FLRT2: variants seen among roughly 807,000 people sequenced by gnomAD.
FLRT2 encodes leucine-rich repeat transmembrane protein FLRT2.
Under a neutral mutation model 40.0 loss-of-function variants are expected in FLRT2, and 15 were observed. The ratio of observed to expected loss-of-function variants is 0.38; its 90% CI spans 0.25 to 0.58. FLRT2 has a LOEUF of 0.58. FLRT2 is among the 20% of genes least tolerant of loss of function. The probability of loss-of-function intolerance (pLI) is 0.71; values close to 1 mark genes in which losing one functional copy is unlikely to be tolerated. For missense variants in FLRT2, 726 were observed against 840.0 expected (o/e 0.86, Z 1.68); for synonymous variants, 380 against 336.8 (o/e 1.13, Z -1.41).
rs1251468574 is a variant in FLRT2, at chr14:85,636,409, C to CAAAAAAAAAAAAAAAAAAAAAAAAAAA, written c.*12918_*12919insAAAAAAAAAAAAAAAAAAAAAAAAAAA. Reference sequence around the variant, plus strand: ...CCTGCAGAAAAAAAAAAAAAAAAAACAAAAAACATTCTTATTAATCTTAAC... The same window carrying CAAAAAAAAAAAAAAAAAAAAAAAAAAA: ...CCTGCAGAAAAAAAAAAAAAAAAAACAAAAAAAAAAAAAAAAAAAAAAAAAAAAAAAAACATTCTTATTAATCTTAAC... On this transcript the variant is annotated 3_prime_UTR_variant, in exon 2 of 2. Transcript: ENST00000330753. The CAAAAAAAAAAAAAAAAAAAAAAAAAAA allele has an allele frequency of 3.5e-5, 3 of 84,932 alleles. 1 individual carries two copies. The highest frequency in any genetic ancestry group is 5.0e-5 in the Non-Finnish European group (2 of 39,812). The allele number at this position is 84,932 out of a possible 1,614,324, so 5.3% of individuals were successfully genotyped here. A position where few individuals can be genotyped will look rare whatever the true frequency, so the allele number is the denominator to read the frequency against.
intron 1 of FLRT2, among the ~76,000 whole-genome samples, chr14:85,588,467 T>G (rs35659097): frequency 0.23 from 35,125 of 151,894 alleles, 4,239 homozygotes; most frequent in Non-Finnish European, 0.28. Flanking sequence ...GTTTTTTTTT[T>G]TTTTTAATTT....
chr14:85,542,852 G>C (rs989703262), intron 1 of FLRT2, among the ~76,000 whole-genome samples: 1 of 152,186 alleles, frequency 6.6e-6, no homozygotes, highest in Admixed American at 6.5e-5. Context: ...TCCTCACTGT[G>C]TGCCAGGCAC....
intron 1 of FLRT2, among the ~76,000 whole-genome samples, chr14:85,569,665 C>A (rs1417645582): frequency 6.6e-6 from 1 of 152,164 alleles, no homozygotes; most frequent in Non-Finnish European, 1.5e-5. Flanking sequence ...TGTCCCCTAG[C>A]CCTTTGGTTA....
Position 85,646,041 on chromosome 14 carries a change from C to G in FLRT2, c.*22544C>G, listed in dbSNP as rs1455627186. On this transcript the variant is annotated 3_prime_UTR_variant, in exon 2 of 2. Coordinates refer to ENST00000330753, the MANE Select transcript of FLRT2 (RefSeq NM_013231.6). ...CTGCCTTGTAACCATGCCTTTGCAT[C>G]TGTTTACTTACTTAATGGGACATTA... 1 of 150,692 alleles carries G rather than the reference C, an allele frequency of 6.6e-6. No individual in the cohort carries two copies. The highest frequency in any genetic ancestry group is 1.5e-5 in the Non-Finnish European group (1 of 67,892). 9.3% of individuals were successfully genotyped at this position (150,692 alleles called of 1,614,324 possible).
chr14:85,565,592 T>G (rs1289389846), intron 1 of FLRT2, among the ~76,000 whole-genome samples: 1 of 152,198 alleles, frequency 6.6e-6, no homozygotes, highest in Non-Finnish European at 1.5e-5. Flanking sequence ...TTAGAAACCA[T>G]ATGCATGGAG....
chr14:85,553,338 T>A (rs1889758316), intron 1 of FLRT2, among the ~76,000 whole-genome samples: 1 of 152,184 alleles, frequency 6.6e-6, no homozygotes, highest in Admixed American at 6.5e-5. Flanking sequence ...GTAATCCACG[T>A]GCTCTCTCAG....
At chr14:85,554,173 G>T (rs1298314102) in intron 1 of FLRT2, among the ~76,000 whole-genome samples, 1 of 152,118 alleles carries the variant, frequency 6.6e-6, no homozygotes, top group Non-Finnish European at 1.5e-5. Context: ...TAAAAAAAAG[G>T]ATTCATGAGT....
At chr14:85,556,111 T>C (rs1889944170) in intron 1 of FLRT2, among the ~76,000 whole-genome samples, 1 of 152,220 alleles carries the variant, frequency 6.6e-6, no homozygotes, top group Admixed American at 6.5e-5. Context: ...CTACATGGAA[T>C]ATCTTCAATG....
chr14:85,591,113 C>G (rs1322682204), intron 1 of FLRT2, among the ~76,000 whole-genome samples: 1 of 152,146 alleles, frequency 6.6e-6, no homozygotes, highest in South Asian at 2.1e-4. Flanking sequence ...AACTGCAAAA[C>G]TCTTTGAAAG....
chr14:85,557,653 C>T (rs1890051924), intron 1 of FLRT2, among the ~76,000 whole-genome samples: 1 of 152,002 alleles, frequency 6.6e-6, no homozygotes. Flanking sequence ...TTAGTCTCTA[C>T]TGAAAATACA....
chr14:85,593,221 AT>A (rs1167069304), intron 1 of FLRT2, among the ~76,000 whole-genome samples: 1 of 151,934 alleles, frequency 6.6e-6, no homozygotes. Context: ...TTAACTTTTA[AT>A]TTTTTTTGAA....
Position 85,653,118 on chromosome 14 carries a change from C to T in FLRT2, c.*29621C>T, listed in dbSNP as rs1894473887. On this transcript the variant is annotated 3_prime_UTR_variant, in exon 2 of 2. Coordinates refer to ENST00000330753, the MANE Select transcript of FLRT2 (RefSeq NM_013231.6). ...GTTCCAGACATTTATAATTATGCAT[C>T]TGAAGTCAGAACACCTTTTCTTTTT... The T allele has an allele frequency of 6.6e-6, 1 of 152,176 alleles. No homozygotes were observed. The highest frequency in any genetic ancestry group is 2.1e-4 in the South Asian group (1 of 4,830). 9.4% of individuals were successfully genotyped at this position (152,176 alleles called of 1,614,324 possible).
chr14:85,622,805 T>C lies in FLRT2; in HGVS notation c.1291T>C (p.Phe431Leu), dbSNP rs1732507229. Reference sequence around the variant, plus strand: ...TGAACGGATCCAGCTCTCTATCCATTTTGTGAATGATACTTCCATTCAAGT... The same window carrying C: ...TGAACGGATCCAGCTCTCTATCCATCTTGTGAATGATACTTCCATTCAAGT... ...ISERIQLSIHFVNDTSIQVSW... is the reference protein window; with the variant it reads ...ISERIQLSIHLVNDTSIQVSW... The change falls in exon 2 of 2, where the codon TTT becomes CTT. Residue 431 changes from phenylalanine (F) to leucine (L), a missense_variant. By Grantham distance (22) the Phe-to-Leu change is conservative. Transcript: ENST00000330753. The C allele has an allele frequency of 6.2e-7, 1 of 1,614,142 alleles. No homozygotes were observed. The highest frequency in any genetic ancestry group is 8.5e-7 in the Non-Finnish European group (1 of 1,180,020).
chr14:85,541,464 A>G (rs543280093), intron 1 of FLRT2, among the ~76,000 whole-genome samples: 2 of 152,318 alleles, frequency 1.3e-5, no homozygotes, highest in Admixed American at 6.5e-5. Flanking sequence ...CCAGAAACTC[A>G]TAGTGTTAGT....
intron 1 of FLRT2, among the ~76,000 whole-genome samples, chr14:85,540,983 A>G (rs1017150271): frequency 6.6e-5 from 10 of 152,198 alleles, no homozygotes; most frequent in Non-Finnish European, 1.3e-4. Flanking sequence ...GAAATGCACC[A>G]ACAAATATAA....
chr14:85,536,374 A>T lies in FLRT2; in HGVS notation c.-377+5840A>T, dbSNP rs1888659401. On this transcript the variant is annotated intron_variant, in intron 1 of 1. Coordinates refer to ENST00000330753, the MANE Select transcript of FLRT2 (RefSeq NM_013231.6). ...ACAAGGAAGAATTCCTGCTTCTGGG[A>T]TCTGAAGCGTCTGAAGTTAAAAAAC... Among the ~76,000 whole-genome samples, 4 of 152,100 alleles carry T rather than the reference A, an allele frequency of 2.6e-5. No individual in the cohort carries two copies. The South Asian group carries it at 8.3e-4, about 32-fold the overall frequency.
chr14:85,563,185 C>T (rs915617647), intron 1 of FLRT2: 3 of 152,026 alleles, frequency 2.0e-5, no homozygotes, highest in Admixed American at 6.6e-5. Flanking sequence ...TTACAGAAGC[C>T]TAGGGAAGTA....
chr14:85,555,459 G>C (rs909787397), intron 1 of FLRT2, among the ~76,000 whole-genome samples: 6 of 152,126 alleles, frequency 3.9e-5, no homozygotes, highest in Non-Finnish European at 7.3e-5. Flanking sequence ...GAGAGAATGA[G>C]AACTAAGCAA....
At chr14:85,595,083 C>A (rs984357914) in intron 1 of FLRT2, among the ~76,000 whole-genome samples, 2 of 152,038 alleles carry the variant, frequency 1.3e-5, no homozygotes, top group African/African-American at 4.8e-5. Flanking sequence ...CTTGCTATCT[C>A]AGGGTGGCAG....
Sources: allele counts gnomAD v4.1 joint callset (sites outside exome capture counted in the v4.1 genomes callset), GRCh38; gene constraint gnomAD v4.1.1; transcripts MANE v1.5; gene names NCBI Gene and HGNC (gene_info 2026-07-23, HGNC 2026-07-21).